The following CALD1 variants were observed in gnomAD, a reference collection of about 807,000 sequenced individuals.
CALD1 encodes caldesmon.
CALD1 carries 33 observed loss-of-function variants against 99.9 expected under a neutral mutation model. The ratio of observed to expected loss-of-function variants is 0.33; its 90% CI spans 0.25 to 0.44. The LOEUF (loss-of-function observed/expected upper bound fraction) is 0.44. Ranked by LOEUF, CALD1 falls within the 20% of genes least tolerant of loss-of-function variation. The pLI, the probability that CALD1 is intolerant of heterozygous loss-of-function variation, is 1.00. For missense variants in CALD1, 861 were observed against 962.1 expected (o/e 0.89, Z 1.39); for synonymous variants, 310 against 325.0 (o/e 0.95, Z 0.50).
chr7:134,771,646 TCTTCCAATGAC>T, intron 1 of CALD1, among the ~76,000 whole-genome samples: 1 of 152,012 alleles, frequency 6.6e-6, no homozygotes, highest in South Asian at 2.1e-4. Flanking sequence ...TGCCTCAAAC[TCTTCCAATGAC>T]CTTCCATCTT....
At position 134,891,715 on chromosome 7, in the gene CALD1, T is replaced by C. The variant is rs77382246; in HGVS notation, c.71+23911T>C. 5,692 of 1,310,180 alleles carry C rather than the reference T, an allele frequency of 4.3e-3. 215 individuals are homozygous for C. In the African/African-American group the frequency reaches 0.075, roughly 17 times the overall value. 81.2% of individuals were successfully genotyped at this position (1,310,180 alleles called of 1,614,324 possible). ...TCTCTTTGGTTTTTTCCTTTCTTTT[T>C]TTTTTTTATAAAAAACAAACGAATT... On this transcript the variant is annotated intron_variant, in intron 3 of 14. Coordinates refer to ENST00000361675, the MANE Select transcript of CALD1 (RefSeq NM_033138.4).
chr7:134,960,497 C>A, intron 12 of CALD1, 36 bp from the exon 13 acceptor site: 1 of 1,255,286 alleles, frequency 8.0e-7, no homozygotes, highest in Admixed American at 1.8e-5. Flanking sequence ...AAGTTTACTT[C>A]ATTCTTTAAT....
chr7:134,868,033 G>A (rs756973666), intron 3 of CALD1: 2 of 322,550 alleles, frequency 6.2e-6, no homozygotes, highest in Non-Finnish European at 1.2e-5. Flanking sequence ...ATTGATAACT[G>A]CATATTGATA....
intron 3 of CALD1, among the ~76,000 whole-genome samples, chr7:134,886,123 G>A (rs1458935240): frequency 6.6e-6 from 1 of 152,184 alleles, no homozygotes; most frequent in Admixed American, 6.5e-5. Flanking sequence ...AGTTTAAACA[G>A]AAACAGGGAG....
chr7:134,862,389 C>T (rs555878470), intron 2 of CALD1, among the ~76,000 whole-genome samples: 3 of 152,190 alleles, frequency 2.0e-5, no homozygotes, highest in Admixed American at 6.5e-5. Context: ...TTTTAATGGC[C>T]CAGCAGAGCT....
intron 6 of CALD1, among the ~76,000 whole-genome samples, chr7:134,939,397 C>G (rs1195209803): frequency 6.6e-6 from 1 of 152,186 alleles, no homozygotes; most frequent in Non-Finnish European, 1.5e-5. Flanking sequence ...CCAAGTAACA[C>G]AACTAGTTTG....
chr7:134,828,921 G>T (rs777682519), intron 1 of CALD1, among the ~76,000 whole-genome samples: 1 of 152,130 alleles, frequency 6.6e-6, no homozygotes, highest in Admixed American at 6.5e-5. Context: ...CACTTAGCAA[G>T]TGCCAAGCTC....
At chr7:134,782,163 G>C (rs1222720921) in intron 1 of CALD1, among the ~76,000 whole-genome samples, 1 of 152,170 alleles carries the variant, frequency 6.6e-6, no homozygotes, top group Non-Finnish European at 1.5e-5. Flanking sequence ...TTAGCAAGAC[G>C]CAAAAGTGAT....
chr7:134,742,967 T>C (rs183279461), upstream of CALD1, among the ~76,000 whole-genome samples: 5 of 152,306 alleles, frequency 3.3e-5, no homozygotes, highest in African/African-American at 9.6e-5. Flanking sequence ...CCTGCCTACC[T>C]TTCTGCCTCA....
At chr7:134,802,109 A>AAT (rs1284095516) in intron 1 of CALD1, among the ~76,000 whole-genome samples, 20 of 94,672 alleles carry the variant, frequency 2.1e-4, no homozygotes, top group African/African-American at 6.3e-4. Context: ...GTATGTGTGT[A>AAT]GTATATATAT....
chr7:134,912,916 TG>T (rs1312125017), intron 3 of CALD1, among the ~76,000 whole-genome samples: 1 of 152,138 alleles, frequency 6.6e-6, no homozygotes, highest in Non-Finnish European at 1.5e-5. Context: ...ATTAGTACTG[TG>T]CTTCCACCTG....
chr7:134,766,141 CTTTTTT>C (rs71172475), intron 1 of CALD1, among the ~76,000 whole-genome samples: 24 of 70,812 alleles, frequency 3.4e-4, no homozygotes, highest in African/African-American at 5.2e-4. Context: ...CTTTTCTTTT[CTTTTTT>C]TTTTTTTTTT....
chr7:134,915,708 T>C (rs1180092700), intron 3 of CALD1, among the ~76,000 whole-genome samples: 1 of 152,222 alleles, frequency 6.6e-6, no homozygotes, highest in Non-Finnish European at 1.5e-5. Flanking sequence ...GGGTGCTTAG[T>C]TATTTAATAT....
chr7:134,797,015 A>AT (rs71669098), intron 1 of CALD1, among the ~76,000 whole-genome samples: 45 of 150,078 alleles, frequency 3.0e-4, no homozygotes, highest in South Asian at 2.3e-3. Flanking sequence ...TGTAGTAAGA[A>AT]TTTTTTTTTT....
At chr7:134,720,136 C>G in the CALD1 span, among the ~76,000 whole-genome samples, 1 of 151,404 alleles carries the variant, frequency 6.6e-6, no homozygotes, top group African/African-American at 2.4e-5. Flanking sequence ...CACCAGTAAT[C>G]AGCAAACATT....
the CALD1 span, among the ~76,000 whole-genome samples, chr7:134,720,557 A>G: frequency 5.9e-5 from 9 of 152,304 alleles, no homozygotes; most frequent in South Asian, 1.9e-3. Context: ...CCAGATTCCA[A>G]CGCTTAACAT....
intron 1 of CALD1, among the ~76,000 whole-genome samples, chr7:134,769,165 A>G (rs1476999784): frequency 6.6e-6 from 1 of 152,004 alleles, no homozygotes; most frequent in Non-Finnish European, 1.5e-5. Flanking sequence ...GTCAATTGCT[A>G]TTGCAGCATT....
At chr7:134,759,579 C>T (rs184783125) in intron 1 of CALD1, among the ~76,000 whole-genome samples, 22 of 152,218 alleles carry the variant, frequency 1.4e-4, no homozygotes, top group Admixed American at 1.3e-3. Context: ...AGTGAATGTG[C>T]GCATGTGTGT....
chr7:134,966,251 T>G (rs1443714459), intron 14 of CALD1, among the ~76,000 whole-genome samples: 4 of 152,198 alleles, frequency 2.6e-5, no homozygotes, highest in Admixed American at 6.5e-5. Context: ...TTCACTGCAG[T>G]GAGAGAATTA....
Sources: allele counts gnomAD v4.1 joint callset (sites outside exome capture counted in the v4.1 genomes callset), GRCh38; gene constraint gnomAD v4.1.1; transcripts MANE v1.5; gene names NCBI Gene and HGNC (gene_info 2026-07-23, HGNC 2026-07-21).